ITPK1: variants seen among roughly 807,000 people sequenced by gnomAD.
ITPK1 encodes the protein inositol-tetrakisphosphate 1-kinase.
ITPK1 carries 21 observed loss-of-function variants against 45.3 expected under a neutral mutation model. That is an observed-to-expected ratio of 0.46 (90% CI 0.33 to 0.67). ITPK1 has a LOEUF of 0.67. ITPK1 is among the 30% of genes least tolerant of loss of function. The pLI is 0.02. For synonymous variants in ITPK1, 258 were observed against 253.6 expected (o/e 1.02, Z -0.16); for missense variants, 474 against 573.5 (o/e 0.83, Z 1.77).
At position 93,066,306 on chromosome 14, in the gene ITPK1, A is replaced by ATGTGTGTG. The variant is rs530096242; in HGVS notation, c.120+10281_120+10288dup. 1.0e-3 allele frequency: 445 copies of ATGTGTGTG among 435,864 alleles called. 1 individual carries two copies. The highest frequency in any genetic ancestry group is 1.7e-3 in the Non-Finnish European group (363 of 219,204). 27.0% of individuals were successfully genotyped at this position (435,864 alleles called of 1,614,324 possible). A position where few individuals can be genotyped will look rare whatever the true frequency, so the allele number is the denominator to read the frequency against. ...GGTGTGCGTGCGTGTGTGCGCGTGCATGTGTGTGTGTGTATGTGTGTGTGT... is the reference window on the plus strand; with the variant it reads ...GGTGTGCGTGCGTGTGTGCGCGTGCATGTGTGTGTGTGTGTGTGTGTATGTGTGTGTGT... On this transcript the variant is annotated intron_variant, in intron 3 of 10. Transcript: ENST00000267615.
chr14:93,111,439 G>A (rs964676709), intron 2 of ITPK1, among the ~76,000 whole-genome samples: 1 of 152,102 alleles, frequency 6.6e-6, no homozygotes, highest in Non-Finnish European at 1.5e-5. Context: ...AAGCCACAAA[G>A]GCCAGGAATG....
At chr14:92,943,989 AC>A (rs1391575790) in intron 10 of ITPK1, among the ~76,000 whole-genome samples, 2 of 152,026 alleles carry the variant, frequency 1.3e-5, no homozygotes, top group Non-Finnish European at 2.9e-5. Context: ...AAGCCACTCA[AC>A]CCCCAGCCTC....
chr14:93,102,040 G>T (rs2140024428), intron 2 of ITPK1, among the ~76,000 whole-genome samples: 1 of 152,378 alleles, frequency 6.6e-6, no homozygotes, highest in Admixed American at 6.5e-5. Context: ...GCAGGGCAGG[G>T]TGACTCTGCA....
rs906617502 is a variant in ITPK1 at position 93,012,974 on chromosome 14, A to C, written c.246+3702T>G. On this transcript the variant is annotated intron_variant, in intron 4 of 10. Transcript: ENST00000267615. The surrounding 1 kb of genome is among the most constrained non-coding windows in gnomAD (Gnocchi z 4.9). ...TTCCCACCCTGCACCCACACCTGTCAGGTGGCTCTGGGCGCCACAGCGAGG... is the reference window on the plus strand; with the variant it reads ...TTCCCACCCTGCACCCACACCTGTCCGGTGGCTCTGGGCGCCACAGCGAGG... 2.0e-5 allele frequency among the ~76,000 whole-genome samples: 3 copies of C among 152,108 alleles called. No individual in the cohort carries two copies. Among genetic ancestry groups the C allele is most frequent in the African/African-American group, 7.2e-5 (3 of 41,432 alleles).
rs1889249921 is a variant in ITPK1 at position 93,034,830 on chromosome 14, G to C, written c.121-18029C>G. On this transcript the variant is annotated intron_variant, in intron 3 of 10. Transcript: ENST00000267615. This position sits in a 1 kb window ranked among gnomAD's most constrained non-coding sequence, Gnocchi z 4.1. ...TGCCAGTGCCCAGGGGCTATGCCCTGTGTGGGCCTGCACCACAGGGCCGAG... is the reference window on the plus strand; with the variant it reads ...TGCCAGTGCCCAGGGGCTATGCCCTCTGTGGGCCTGCACCACAGGGCCGAG... 6.6e-6 allele frequency among the ~76,000 whole-genome samples: 1 copy of C among 152,238 alleles called. No homozygotes were observed. The highest frequency in any genetic ancestry group is 2.4e-5 in the African/African-American group (1 of 41,474).
chr14:93,006,993 A>G (rs1372974290), intron 4 of ITPK1, among the ~76,000 whole-genome samples: 1 of 152,110 alleles, frequency 6.6e-6, no homozygotes, highest in African/African-American at 2.4e-5. Context: ...GCACCATCAC[A>G]CTAGTCAGGT....
At chr14:92,964,861 G>A (rs763194186) in intron 5 of ITPK1, among the ~76,000 whole-genome samples, 2 of 152,184 alleles carry the variant, frequency 1.3e-5, no homozygotes, top group Admixed American at 1.3e-4. Flanking sequence ...TGTCACTAGT[G>A]GCCAGTAGCC....
intron 7 of ITPK1, among the ~76,000 whole-genome samples, chr14:92,960,088 C>T (rs1884983045): frequency 6.6e-6 from 1 of 152,262 alleles, no homozygotes. Flanking sequence ...GCAATGCTAA[C>T]ATGCCCCGTC....
At chr14:93,081,914 C>T (rs1427836252) in intron 2 of ITPK1, among the ~76,000 whole-genome samples, 1 of 152,198 alleles carries the variant, frequency 6.6e-6, no homozygotes, top group Non-Finnish European at 1.5e-5. Flanking sequence ...CTGAGAACCA[C>T]CACTGGAGCG....
At chr14:92,949,947 G>A (rs573772461) in intron 9 of ITPK1, among the ~76,000 whole-genome samples, 6 of 152,316 alleles carry the variant, frequency 3.9e-5, no homozygotes, top group South Asian at 4.1e-4. Context: ...CCCGGCTGCC[G>A]AGACCGTGCC....
chr14:93,103,117 AG>A (rs1269857215), intron 2 of ITPK1, among the ~76,000 whole-genome samples: 56 of 145,132 alleles, frequency 3.9e-4, no homozygotes, highest in African/African-American at 1.4e-3. Context: ...AAAAAAAAAA[AG>A]AAAGAAAGAA....
intron 2 of ITPK1, among the ~76,000 whole-genome samples, chr14:93,094,858 A>G (rs924676336): frequency 1.3e-5 from 2 of 152,188 alleles, no homozygotes; most frequent in East Asian, 3.8e-4. Context: ...CCGGCCCTAC[A>G]TGCCCAGAGT....
chr14:93,113,101 A>C (rs1480585058), intron 2 of ITPK1, among the ~76,000 whole-genome samples: 1 of 152,230 alleles, frequency 6.6e-6, no homozygotes, highest in Non-Finnish European at 1.5e-5. Context: ...CCTAGTGAAA[A>C]CACAAAGTGG....
chr14:93,053,862 A>G (rs976678615), intron 3 of ITPK1, among the ~76,000 whole-genome samples: 9 of 152,184 alleles, frequency 5.9e-5, no homozygotes, highest in Admixed American at 2.6e-4. Flanking sequence ...TAGTCTCTGG[A>G]GCCTGGGCTG....
chr14:92,966,540 A>G (rs985358675), intron 5 of ITPK1, among the ~76,000 whole-genome samples: 5 of 152,254 alleles, frequency 3.3e-5, no homozygotes, highest in African/African-American at 1.2e-4. Flanking sequence ...TATAGACTCA[A>G]TATGATAGCC....
At chr14:93,049,228 G>A (rs1455719750) in intron 3 of ITPK1, among the ~76,000 whole-genome samples, 1 of 152,238 alleles carries the variant, frequency 6.6e-6, no homozygotes. Context: ...GTAGACCTGG[G>A]GGGAAAGTCA....
chr14:93,047,033 A>G (rs763889792), intron 3 of ITPK1, among the ~76,000 whole-genome samples: 22 of 152,362 alleles, frequency 1.4e-4, no homozygotes, highest in Non-Finnish European at 2.6e-4. Flanking sequence ...AATGGAAGTC[A>G]GGAAAGAGGG....
chr14:93,013,451 C>T (rs1383664309), intron 4 of ITPK1, among the ~76,000 whole-genome samples: 5 of 152,210 alleles, frequency 3.3e-5, no homozygotes, highest in African/African-American at 1.2e-4. Context: ...GGAATTTCTT[C>T]CCTCCCTGGG....
chr14:92,959,796 T>G (rs943838680), intron 7 of ITPK1, among the ~76,000 whole-genome samples: 1 of 152,052 alleles, frequency 6.6e-6, no homozygotes, highest in Non-Finnish European at 1.5e-5. Context: ...AAAAGAGTTC[T>G]GAGAACATAA....
Sources: allele counts gnomAD v4.1 joint callset (sites outside exome capture counted in the v4.1 genomes callset), GRCh38; gene constraint gnomAD v4.1.1; non-coding constraint Gnocchi (gnomAD v3.1); transcripts MANE v1.5; gene names NCBI Gene and HGNC (gene_info 2026-07-23, HGNC 2026-07-21).